Variants in HDHD2 observed in about 807,000 individuals in gnomAD.
HDHD2 encodes haloacid dehalogenase-like hydrolase domain-containing protein 2.
A neutral mutation model predicts 24.8 loss-of-function variants in HDHD2; 26 were observed. That is an observed-to-expected ratio of 1.05 (90% CI 0.77 to 1.45). The LOEUF is 1.45. Ranked by LOEUF, HDHD2 falls within the 40% of genes most tolerant of loss-of-function variation. HDHD2 has a pLI of 0.00. For missense variants in HDHD2, 299 were observed against 313.4 expected (o/e 0.95, Z 0.35); for synonymous variants, 128 against 114.9 (o/e 1.11, Z -0.73).
Position 47,130,240 on chromosome 18 carries a change from T to A in HDHD2, c.395+4A>T. On this transcript the variant is annotated splice_donor_region_variant and intron_variant, in intron 4 of 6. Transcript: ENST00000300605. ...TCAGATGAAAAATAAATAGCTAGGT[T>A]TACCGGAATGCTTGATTCAGAATTT... is the stretch of plus-strand genomic sequence containing the variant. 1 of 1,553,748 alleles carries A rather than the reference T, an allele frequency of 6.4e-7. No individual in the cohort carries two copies. The highest frequency in any genetic ancestry group is 8.9e-7 in the Non-Finnish European group (1 of 1,128,324).
chr18:47,113,176 A>C (rs1190499624), intron 5 of HDHD2, 136 bp from the exon 6 acceptor site: 1 of 733,798 alleles, frequency 1.4e-6, no homozygotes, highest in Non-Finnish European at 2.3e-6. Context: ...GAGAAGATGT[A>C]AAAGGTGAAT....
chr18:47,133,586 A>T (rs2063734680), intron 3 of HDHD2, among the ~76,000 whole-genome samples: 1 of 151,718 alleles, frequency 6.6e-6, no homozygotes, highest in South Asian at 2.1e-4. Flanking sequence ...ACTAGTTTAC[A>T]GTCCCAACAA....
At chr18:47,123,208 G>T (rs1185572143) in intron 4 of HDHD2, among the ~76,000 whole-genome samples, 1 of 152,158 alleles carries the variant, frequency 6.6e-6, no homozygotes, top group African/African-American at 2.4e-5. Flanking sequence ...CAAGTAAATG[G>T]AAGAAGACTG....
intron 1 of HDHD2, among the ~76,000 whole-genome samples, chr18:47,142,613 G>T (rs1486878157): frequency 6.6e-6 from 1 of 152,196 alleles, no homozygotes; most frequent in African/African-American, 2.4e-5. Flanking sequence ...GAGGGCAAAA[G>T]TGGGCTTTGA....
rs114927519 is a variant in HDHD2 at position 47,108,977 on chromosome 18, A to G, written c.677-192T>C. 3,250 of 551,962 alleles carry G rather than the reference A, an allele frequency of 5.9e-3. 94 individuals are homozygous for G. Among genetic ancestry groups the G allele is most frequent in the African/African-American group, 0.056 (2,911 of 51,878 alleles). 34.2% of individuals were successfully genotyped at this position (551,962 alleles called of 1,614,324 possible). Reference sequence around the variant, plus strand: ...GGCAATTCAAAGAAATGTCACATTCAGCCTTTCCCCAGGCCCTCTGGTCAT... The same window carrying G: ...GGCAATTCAAAGAAATGTCACATTCGGCCTTTCCCCAGGCCCTCTGGTCAT... On this transcript the variant is annotated intron_variant, in intron 6 of 6. Coordinates refer to ENST00000300605, the MANE Select transcript of HDHD2 (RefSeq NM_032124.5).
chr18:47,115,176 G>A lies in HDHD2; in HGVS notation c.568C>T (p.Arg190Trp), dbSNP rs772089622. ...PEKTFFLEAL[R>W]GTGCEPEEAV... ...TCCTCAGGTTCACAGCCAGTGCCCC[G>A]CAATGCTTCCAAAAAGAACGTCTTC... Residue 190 changes from arginine (R) to tryptophan (W), a missense_variant, in exon 5 of 7, where the codon CGG (arginine) becomes TGG (tryptophan). Transcript: ENST00000300605. The A allele has an allele frequency of 4.0e-5, 65 of 1,613,572 alleles. No individual in the cohort carries two copies. The Admixed American group carries it at 5.8e-4, about 14-fold the overall frequency.
At position 47,128,723 on chromosome 18, in the gene HDHD2, G is replaced by T. The variant is rs142372185; in HGVS notation, c.395+1521C>A. Among the ~76,000 whole-genome samples, 32 of 152,320 alleles carry T rather than the reference G, an allele frequency of 2.1e-4. 1 individual carries two copies. In the East Asian group the frequency reaches 6.0e-3, roughly 28 times the overall value. ...AATAAAAGTGCATTAAGTAGTTGTG[G>T]TTTCCATTAACCAAGAATCTAAAAT... On this transcript the variant is annotated intron_variant, in intron 4 of 6. Transcript: ENST00000300605.
chr18:47,128,627 C>G lies in HDHD2; in HGVS notation c.395+1617G>C, dbSNP rs148425721. Among the ~76,000 whole-genome samples the G allele has an allele frequency of 3.8e-4, 58 of 152,302 alleles. No homozygotes were observed. The East Asian group carries it at 8.9e-3, about 23-fold the overall frequency. On this transcript the variant is annotated intron_variant, in intron 4 of 6. Coordinates refer to ENST00000300605, the MANE Select transcript of HDHD2 (RefSeq NM_032124.5). ...AGGAAATAATTACAGTAAATAGATA[C>G]TGGGCAACTATAAAAAGTGAGTTTG...
chr18:47,136,346 G>A lies in HDHD2; in HGVS notation c.94C>T (p.Leu32Phe), dbSNP rs1368908240. 6.2e-7 allele frequency: 1 copy of A among 1,613,552 alleles called. No individual in the cohort carries two copies. Among genetic ancestry groups the A allele is most frequent in the African/African-American group, 1.3e-5 (1 of 74,936 alleles). ...ACCTGGAGGATAGCTTGCCTTTTAA[G>A]AGCTTCCTGTGCGCCTGGCACAGCT... ...DAAVPGAQEA[L>F]KRLRGASVII... Residue 32 changes from leucine to phenylalanine, a missense_variant, in exon 2 of 7, where the codon CTT (leucine) becomes TTT (phenylalanine). Coordinates refer to ENST00000300605, the MANE Select transcript of HDHD2 (RefSeq NM_032124.5).
intron 4 of HDHD2, among the ~76,000 whole-genome samples, chr18:47,129,346 A>T (rs952512224): frequency 2.0e-5 from 3 of 152,076 alleles, no homozygotes; most frequent in African/African-American, 7.2e-5. Context: ...GATTTATAAT[A>T]TCTTATATAC....
chr18:47,142,651 C>T (rs2063830447), intron 1 of HDHD2, among the ~76,000 whole-genome samples: 1 of 152,106 alleles, frequency 6.6e-6, no homozygotes. Context: ...GAGGAAAATA[C>T]ATGTGATTAT....
chr18:47,112,812 C>T (rs1599921473), intron 6 of HDHD2, among the ~76,000 whole-genome samples, 165 bp downstream of exon 6: 2 of 152,154 alleles, frequency 1.3e-5, no homozygotes, highest in South Asian at 4.1e-4. Context: ...CAGCACGGGC[C>T]CTTCCCAATT....
At chr18:47,111,145 G>C (rs1044002369) in intron 6 of HDHD2, 2 of 984,832 alleles carry the variant, frequency 2.0e-6, no homozygotes, top group African/African-American at 3.5e-5. Flanking sequence ...GCTTCCAAGA[G>C]CTGTACTTAG....
At chr18:47,108,910 T>G (rs1005014235) in intron 6 of HDHD2, 125 bp from the exon 7 acceptor site, 6 of 607,660 alleles carry the variant, frequency 9.9e-6, no homozygotes, top group Non-Finnish European at 1.8e-5. Flanking sequence ...GGGCTGCACA[T>G]CTCCCAAATC....
intron 3 of HDHD2, among the ~76,000 whole-genome samples, chr18:47,132,155 G>A (rs2063719209): frequency 6.6e-6 from 1 of 151,896 alleles, no homozygotes; most frequent in Non-Finnish European, 1.5e-5. Flanking sequence ...AAATACATAT[G>A]TATATCCATT....
intron 4 of HDHD2, among the ~76,000 whole-genome samples, chr18:47,122,684 C>T (rs557659775): frequency 9.0e-4 from 136 of 151,706 alleles, no homozygotes; most frequent in African/African-American, 3.3e-3. Context: ...TAATTGAAAC[C>T]CCAAAATACC....
At chr18:47,125,857 A>G (rs768786487) in intron 4 of HDHD2, among the ~76,000 whole-genome samples, 8 of 152,214 alleles carry the variant, frequency 5.3e-5, no homozygotes, top group African/African-American at 1.9e-4. Flanking sequence ...TAAAATCTGT[A>G]TAACTTACAG....
intron 4 of HDHD2, among the ~76,000 whole-genome samples, chr18:47,118,078 C>T (rs1352975218): frequency 6.6e-6 from 1 of 151,930 alleles, no homozygotes; most frequent in Non-Finnish European, 1.5e-5. Context: ...GCTATAAATT[C>T]CATGTAGGTG....
chr18:47,122,348 G>C (rs2063615178), intron 4 of HDHD2, among the ~76,000 whole-genome samples: 1 of 152,034 alleles, frequency 6.6e-6, no homozygotes, highest in South Asian at 2.1e-4. Flanking sequence ...ACTATTTTAG[G>C]CCAGAAAATG....
Sources: allele counts gnomAD v4.1 joint callset (sites outside exome capture counted in the v4.1 genomes callset), GRCh38; gene constraint gnomAD v4.1.1; transcripts MANE v1.5; gene names NCBI Gene and HGNC (gene_info 2026-07-23, HGNC 2026-07-21).